SYT1: variants seen among roughly 807,000 people sequenced by gnomAD.
SYT1 encodes synaptotagmin-1.
SYT1 carries 8 observed loss-of-function variants against 44.8 expected under a neutral mutation model. The observed-to-expected ratio is 0.18, with a 90% CI of 0.10 to 0.32. The LOEUF is 0.32. SYT1 is among the 10% of genes least tolerant of loss of function. The pLI is 1.00. For missense variants in SYT1, 286 were observed against 509.3 expected, an observed-to-expected ratio of 0.56 and a Z score of 4.22; for synonymous variants, 154 against 188.8, an observed-to-expected ratio of 0.82 and a Z score of 1.51.
At chr12:78,900,231 A>T (rs1193070422) in intron 1 of SYT1, among the ~76,000 whole-genome samples, 2 of 152,148 alleles carry the variant, frequency 1.3e-5, no homozygotes, top group African/African-American at 4.8e-5. Context: ...CTTTCATTTA[A>T]CAAATATTGA....
chr12:79,401,326 C>T (rs2136113995), intron 9 of SYT1, among the ~76,000 whole-genome samples: 1 of 152,126 alleles, frequency 6.6e-6, no homozygotes, highest in East Asian at 1.9e-4. Context: ...CCCAGGAGTT[C>T]CAGGCTGCAG....
chr12:79,284,382 T>A (rs1230690685), intron 4 of SYT1, among the ~76,000 whole-genome samples: 1 of 152,214 alleles, frequency 6.6e-6, no homozygotes, highest in Non-Finnish European at 1.5e-5. Flanking sequence ...TCCTCTTATC[T>A]AAAAATCATC....
rs149003569 is a variant in SYT1 at position 79,285,720 on chromosome 12, C to T, written c.167-67C>T. The T allele has an allele frequency of 5.4e-3, 6,546 of 1,209,610 alleles. 23 individuals carry two copies. Among genetic ancestry groups the T allele is most frequent in the Non-Finnish European group, 7.0e-3 (6,017 of 854,494 alleles). The allele number at this position is 1,209,610 out of a possible 1,614,324, so 74.9% of individuals were successfully genotyped here. A position where few individuals can be genotyped will look rare whatever the true frequency, so the allele number is the denominator to read the frequency against. On this transcript the variant is annotated intron_variant, in intron 4 of 10. Transcript: ENST00000261205. ...TGAAAAAAATGAATATCTTTATAGC[C>T]CATGAGTTAAAAGGTTTTCCACATC...
At chr12:79,186,110 C>A (rs969796058) in intron 3 of SYT1, among the ~76,000 whole-genome samples, 1 of 151,924 alleles carries the variant, frequency 6.6e-6, no homozygotes, top group Non-Finnish European at 1.5e-5. Flanking sequence ...ACTTTCCTCT[C>A]ATCTTTCTTT....
intron 4 of SYT1, among the ~76,000 whole-genome samples, chr12:79,244,059 C>T (rs1001347066): frequency 6.6e-6 from 1 of 152,182 alleles, no homozygotes; most frequent in Non-Finnish European, 1.5e-5. Flanking sequence ...ATAATGAACT[C>T]TTACACCACA....
At chr12:79,154,287 G>A (rs1870456868) in intron 3 of SYT1, among the ~76,000 whole-genome samples, 1 of 151,916 alleles carries the variant, frequency 6.6e-6, no homozygotes, top group Non-Finnish European at 1.5e-5. Flanking sequence ...TTAGTTAAAT[G>A]TTACCTTAAA....
intron 3 of SYT1, among the ~76,000 whole-genome samples, chr12:79,154,840 GA>G (rs377309461): frequency 1.6e-4 from 25 of 152,046 alleles, no homozygotes; most frequent in South Asian, 4.2e-4. Flanking sequence ...GGTTTTGGGG[GA>G]AAAAAATGCT....
chr12:79,425,962 G>C (rs1485800040), intron 9 of SYT1, among the ~76,000 whole-genome samples: 1 of 151,836 alleles, frequency 6.6e-6, no homozygotes, highest in Non-Finnish European at 1.5e-5. Flanking sequence ...AGAATATTAT[G>C]TCTACTCTCT....
At chr12:78,869,874 G>C (rs184233390) in intron 1 of SYT1, among the ~76,000 whole-genome samples, 5 of 151,978 alleles carry the variant, frequency 3.3e-5, no homozygotes, top group Admixed American at 1.3e-4. Flanking sequence ...CTGCTATTGC[G>C]GAAATACAAA....
chr12:79,028,867 A>G (rs1872678266), intron 2 of SYT1, among the ~76,000 whole-genome samples: 1 of 151,360 alleles, frequency 6.6e-6, no homozygotes, highest in African/African-American at 2.4e-5. Context: ...GAGCAATAGA[A>G]TAGTTGAAAT....
At chr12:79,375,648 A>G (rs1883962903) in intron 9 of SYT1, among the ~76,000 whole-genome samples, 1 of 152,186 alleles carries the variant, frequency 6.6e-6, no homozygotes, top group Non-Finnish European at 1.5e-5. Context: ...AACCAAAGAT[A>G]ATCCCTACCT....
chr12:78,890,593 C>T (rs1490050926), intron 1 of SYT1, among the ~76,000 whole-genome samples: 2 of 151,668 alleles, frequency 1.3e-5, no homozygotes, highest in African/African-American at 2.4e-5. Flanking sequence ...AGGATGCTCT[C>T]CTCCCTTCTA....
rs1879253407 is a variant in SYT1, at chr12:78,957,100, G to T, written c.-216-20699G>T. Among the ~76,000 whole-genome samples the T allele has an allele frequency of 2.0e-5, 3 of 152,170 alleles. No homozygotes were observed. In the South Asian group the frequency reaches 6.2e-4, roughly 31 times the overall value. On this transcript the variant is annotated intron_variant, in intron 1 of 10. Transcript: ENST00000261205. ...TGTCCACTGTTTGAGGGAGACTGAT[G>T]GGCAAACATCTGCTTAGTTTTTCTA... is the stretch of plus-strand genomic sequence containing the variant.
chr12:78,932,784 G>A (rs527432899), intron 1 of SYT1, among the ~76,000 whole-genome samples: 1 of 152,194 alleles, frequency 6.6e-6, no homozygotes, highest in African/African-American at 2.4e-5. Context: ...ATAGTATTAT[G>A]CAAATATTTT....
chr12:78,968,782 A>G (rs1330294424), intron 1 of SYT1, among the ~76,000 whole-genome samples: 1 of 152,156 alleles, frequency 6.6e-6, no homozygotes, highest in Non-Finnish European at 1.5e-5. Flanking sequence ...TAGCAGACAT[A>G]ATATCTAAGC....
At chr12:79,171,681 T>TAA (rs199562030) in intron 3 of SYT1, among the ~76,000 whole-genome samples, 2 of 148,946 alleles carry the variant, frequency 1.3e-5, no homozygotes, top group East Asian at 3.9e-4. Context: ...AGGTACACAG[T>TAA]AAAAAAAAAA....
intron 1 of SYT1, among the ~76,000 whole-genome samples, chr12:78,877,627 T>C (rs2137049645): frequency 6.6e-6 from 1 of 151,894 alleles, no homozygotes; most frequent in Non-Finnish European, 1.5e-5. Flanking sequence ...CTGGTCATGA[T>C]CAACTAAGTT....
chr12:79,347,221 A>G (rs1179828404), intron 8 of SYT1, among the ~76,000 whole-genome samples: 1 of 152,028 alleles, frequency 6.6e-6, no homozygotes, highest in Non-Finnish European at 1.5e-5. Flanking sequence ...TCTTTGTACC[A>G]TCTTCATGAC....
In SYT1 at chr12:79,226,384, T is replaced by G. The variant is rs1018474588; in HGVS notation, c.166+8699T>G. On this transcript the variant is annotated intron_variant, in intron 4 of 10. Coordinates refer to ENST00000261205, the MANE Select transcript of SYT1 (RefSeq NM_005639.3). ...AATTATCTATGAAACTCTCCTTTCT[T>G]TTGCTTCTCTTGGGTAATCTCATCT... is the stretch of plus-strand genomic sequence containing the variant. Among the ~76,000 whole-genome samples, 8 of 152,278 alleles carry G rather than the reference T, an allele frequency of 5.3e-5. No individual in the cohort carries two copies. In the East Asian group the frequency reaches 1.5e-3, roughly 29 times the overall value.
Sources: allele counts gnomAD v4.1 joint callset (sites outside exome capture counted in the v4.1 genomes callset), GRCh38; gene constraint gnomAD v4.1.1; transcripts MANE v1.5; gene names NCBI Gene and HGNC (gene_info 2026-07-23, HGNC 2026-07-21).